The following CEP85L variants were observed in gnomAD, a reference collection of about 807,000 sequenced individuals.
CEP85L encodes centrosomal protein 85L.
Under a neutral mutation model 100.3 loss-of-function variants are expected in CEP85L, and 60 were observed. The observed-to-expected ratio is 0.60, with a 90% CI of 0.49 to 0.74. The LOEUF (loss-of-function observed/expected upper bound fraction) is 0.74, where lower values mean the gene tolerates loss of function less well. CEP85L is among the 30% of genes least tolerant of loss of function. The pLI is 0.00. For synonymous variants in CEP85L, 319 were observed against 322.7 expected, an observed-to-expected ratio of 0.99 and a Z score of 0.12; for missense variants, 973 against 936.2, an observed-to-expected ratio of 1.04 and a Z score of -0.51.
intron 3 of CEP85L, among the ~76,000 whole-genome samples, chr6:118,548,008 A>G (rs1778308032): frequency 6.6e-6 from 1 of 152,104 alleles, no homozygotes; most frequent in Admixed American, 6.6e-5. Flanking sequence ...CACCATTAAT[A>G]TTCAATTATC....
At chr6:118,624,882 T>A (rs1773684732) in intron 2 of CEP85L, among the ~76,000 whole-genome samples, 1 of 152,224 alleles carries the variant, frequency 6.6e-6, no homozygotes, top group South Asian at 2.1e-4. Flanking sequence ...AAACTAGACC[T>A]TTCCGGGTTA....
intron 1 of CEP85L, among the ~76,000 whole-genome samples, chr6:118,665,467 T>C (rs537289488): frequency 7.2e-5 from 11 of 152,238 alleles, no homozygotes; most frequent in Admixed American, 2.6e-4. Flanking sequence ...CAGATGATTC[T>C]CCTACCTCAG....
chr6:118,483,640 A>G (rs905861617), intron 7 of CEP85L, 66 bp downstream of exon 7: 1 of 1,496,712 alleles, frequency 6.7e-7, no homozygotes, highest in Non-Finnish European at 9.0e-7. Flanking sequence ...ATAGTTAGCC[A>G]AATTTCTAGA....
intron 2 of CEP85L, among the ~76,000 whole-genome samples, chr6:118,612,708 A>C (rs1432486265): frequency 2.1e-5 from 3 of 146,316 alleles, no homozygotes; most frequent in Non-Finnish European, 4.5e-5. Flanking sequence ...TCAAATCAGT[A>C]ATCTAATCTG....
At chr6:118,491,551 T>C in intron 6 of CEP85L, 135 bp downstream of exon 6, 3 of 1,424,444 alleles carry the variant, frequency 2.1e-6, no homozygotes, top group Non-Finnish European at 2.7e-6. Flanking sequence ...TTCTCAAAAG[T>C]TACTACAAAA....
At chr6:118,651,683 C>G (rs1014443966), upstream of CEP85L, 3 of 637,232 alleles carry the variant, frequency 4.7e-6, no homozygotes, top group Non-Finnish European at 5.4e-6. Flanking sequence ...CGGCGCCGCG[C>G]GGGGCGGGGA....
intron 11 of CEP85L, among the ~76,000 whole-genome samples, chr6:118,469,988 G>T (rs982345554): frequency 2.0e-5 from 3 of 152,122 alleles, no homozygotes; most frequent in Non-Finnish European, 2.9e-5. Flanking sequence ...GGTTTTTATT[G>T]TTAGTAGCAA....
chr6:118,502,607 A>G, intron 5 of CEP85L: 1 of 480,886 alleles, frequency 2.1e-6, no homozygotes, highest in South Asian at 2.1e-5. Context: ...ACTCTTGAAG[A>G]AGCTGAAGTA....
intron 4 of CEP85L, among the ~76,000 whole-genome samples, chr6:118,513,627 C>CA (rs1278886652): frequency 2.0e-5 from 3 of 151,436 alleles, no homozygotes; most frequent in Non-Finnish European, 4.4e-5. Context: ...AAAAAGCATA[C>CA]AAAAAAAACC....
At chr6:118,705,971 G>A (rs1036253223) in intron 1 of CEP85L, among the ~76,000 whole-genome samples, 1 of 152,152 alleles carries the variant, frequency 6.6e-6, no homozygotes, top group African/African-American at 2.4e-5. Flanking sequence ...CCCCCACATT[G>A]TTGCTCTCAG....
chr6:118,503,319 T>C (rs1179700167), intron 5 of CEP85L, among the ~76,000 whole-genome samples: 1 of 152,242 alleles, frequency 6.6e-6, no homozygotes, highest in Non-Finnish European at 1.5e-5. Flanking sequence ...AGATATTCCA[T>C]GTTCATGGAT....
intron 2 of CEP85L, among the ~76,000 whole-genome samples, chr6:118,578,502 C>T (rs533350888): frequency 6.6e-5 from 10 of 152,128 alleles, no homozygotes; most frequent in Non-Finnish European, 1.2e-4. Context: ...GAGGCTGAGG[C>T]GGGCGGATCA....
intron 2 of CEP85L, among the ~76,000 whole-genome samples, chr6:118,623,284 T>C (rs757671329): frequency 6.6e-6 from 1 of 152,166 alleles, no homozygotes; most frequent in African/African-American, 2.4e-5. Flanking sequence ...GCAGTTAAAC[T>C]TCACCCACAT....
intron 2 of CEP85L, among the ~76,000 whole-genome samples, chr6:118,580,530 G>C (rs1348699588): frequency 6.6e-6 from 1 of 152,232 alleles, no homozygotes; most frequent in Non-Finnish European, 1.5e-5. Flanking sequence ...TCAGATGTGA[G>C]GCTTGCTGGT....
intron 2 of CEP85L, among the ~76,000 whole-genome samples, chr6:118,608,892 T>C (rs1772425916): frequency 6.6e-6 from 1 of 152,176 alleles, no homozygotes; most frequent in African/African-American, 2.4e-5. Context: ...ATGTGTGTTC[T>C]TTCCAACACA....
chr6:118,701,097 C>G (rs1019664180), intron 1 of CEP85L, among the ~76,000 whole-genome samples: 2 of 152,150 alleles, frequency 1.3e-5, no homozygotes, highest in African/African-American at 4.8e-5. Flanking sequence ...AGTGATTTGC[C>G]ATTTCTACAT....
rs552078051 is a variant in CEP85L, at chr6:118,559,062, C to G, written c.1020+6467G>C. ...TAATATGTCTCTTGCTGATCTGTAT[C>G]ATCGTGATGCTTCTCTGAAGTTCTG... On this transcript the variant is annotated intron_variant, in intron 3 of 12. Transcript: ENST00000368491. The G allele has an allele frequency of 1.9e-6, 3 of 1,611,212 alleles. No homozygotes were observed. The African/African-American group carries it at 4.0e-5, about 21-fold the overall frequency.
Position 118,462,933 on chromosome 6 carries a change from G to T in CEP85L, c.*2472C>A, listed in dbSNP as rs1025776744. 2.0e-5 allele frequency: 3 copies of T among 151,694 alleles called. No homozygotes were observed. Among genetic ancestry groups the T allele is most frequent in the Non-Finnish European group, 2.9e-5 (2 of 67,816 alleles). The allele number at this position is 151,694 out of a possible 1,614,324, so 9.4% of individuals were successfully genotyped here. On this transcript the variant is annotated 3_prime_UTR_variant, in exon 13 of 13. Coordinates refer to ENST00000368491, the MANE Select transcript of CEP85L (RefSeq NM_001042475.3). ...CCAAGTCTATCTACTGTTTATGTAGGCCCCTTTACAAACTCCAGATTTTAA... is the reference window on the plus strand; with the variant it reads ...CCAAGTCTATCTACTGTTTATGTAGTCCCCTTTACAAACTCCAGATTTTAA...
At chr6:118,617,413 CTGTT>C (rs1311624160) in intron 2 of CEP85L, among the ~76,000 whole-genome samples, 3 of 152,292 alleles carry the variant, frequency 2.0e-5, no homozygotes, top group South Asian at 2.1e-4. Flanking sequence ...CTTGTAAACA[CTGTT>C]TGTAAGTTCT....
Sources: gnomAD v4.1 joint callset for allele counts (sites outside exome capture counted in the v4.1 genomes callset) on GRCh38, gnomAD v4.1.1 for gene constraint, MANE v1.5 for transcripts, NCBI Gene and HGNC (gene_info 2026-07-23, HGNC 2026-07-21) for gene names.